The following FOXP1 variants were observed in gnomAD, a reference collection of about 807,000 sequenced individuals.
FOXP1 encodes forkhead box protein P1.
In FOXP1, 15 loss-of-function variants were observed where a neutral mutation model predicts 98.2. The observed-to-expected ratio is 0.15, with a 90% CI of 0.10 to 0.24. The LOEUF is 0.24. FOXP1 is among the 10% of genes least tolerant of loss of function. The pLI, the probability that FOXP1 is intolerant of heterozygous loss-of-function variation, is 1.00. For synonymous variants in FOXP1, 371 were observed against 314.5 expected (o/e 1.18, Z -1.90); for missense variants, 633 against 848.5 (o/e 0.75, Z 3.15).
At chr3:71,578,122 T>C (rs2047872090) in intron 2 of FOXP1, among the ~76,000 whole-genome samples, 1 of 152,014 alleles carries the variant, frequency 6.6e-6, no homozygotes, top group East Asian at 1.9e-4. Context: ...AATCTAGCCA[T>C]GCTCTGGAAA....
chr3:71,287,683 G>A (rs2072300628), intron 5 of FOXP1, among the ~76,000 whole-genome samples: 1 of 151,660 alleles, frequency 6.6e-6, no homozygotes, highest in South Asian at 2.1e-4. Flanking sequence ...AGGAGGTTGA[G>A]GCAGGAGAAT....
intron 5 of FOXP1, chr3:71,245,106 T>G (rs2067625363): frequency 6.6e-6 from 1 of 152,208 alleles, no homozygotes; most frequent in African/African-American, 2.4e-5. Flanking sequence ...GTAGGATTTA[T>G]TTGACACTTA....
At chr3:71,246,760 A>G (rs1028788294) in intron 5 of FOXP1, among the ~76,000 whole-genome samples, 3 of 152,226 alleles carry the variant, frequency 2.0e-5, no homozygotes, top group African/African-American at 4.8e-5. Flanking sequence ...TGGCCAGTTC[A>G]GCGCGTCTTA....
At chr3:71,522,527 G>A (rs193283851) in intron 2 of FOXP1, among the ~76,000 whole-genome samples, 2 of 152,228 alleles carry the variant, frequency 1.3e-5, no homozygotes, top group African/African-American at 2.4e-5. Flanking sequence ...GATTCTCAGC[G>A]TCTTCTTTCT....
chr3:71,028,642 T>C (rs775254992), intron 11 of FOXP1, among the ~76,000 whole-genome samples: 6 of 152,212 alleles, frequency 3.9e-5, no homozygotes, highest in Non-Finnish European at 7.3e-5. Context: ...TTCCAGGAAC[T>C]GGGGGGCAGG....
At chr3:71,315,387 C>T (rs1471568965) in intron 4 of FOXP1, among the ~76,000 whole-genome samples, 5 of 152,032 alleles carry the variant, frequency 3.3e-5, no homozygotes, top group Non-Finnish European at 1.5e-5. Context: ...AATTCCCTGA[C>T]CAAGTTTTGC....
At chr3:71,020,121 T>G (rs2045210843) in intron 11 of FOXP1, among the ~76,000 whole-genome samples, 1 of 152,174 alleles carries the variant, frequency 6.6e-6, no homozygotes, top group Non-Finnish European at 1.5e-5. Flanking sequence ...AAAAGCCAGT[T>G]AATTTAAATT....
At chr3:71,219,878 C>T (rs202105683) in intron 5 of FOXP1, among the ~76,000 whole-genome samples, 1 of 152,150 alleles carries the variant, frequency 6.6e-6, no homozygotes, top group Non-Finnish European at 1.5e-5. Flanking sequence ...CTCTCTCTCT[C>T]CTGTTTCCAC....
intron 6 of FOXP1, among the ~76,000 whole-genome samples, chr3:71,139,287 A>C (rs2059958870): frequency 6.6e-6 from 1 of 152,166 alleles, no homozygotes. Flanking sequence ...TCATAATGGC[A>C]CTGTAATACA....
chr3:71,539,082 T>C (rs1245735411), intron 2 of FOXP1, among the ~76,000 whole-genome samples: 1 of 150,950 alleles, frequency 6.6e-6, no homozygotes, highest in Non-Finnish European at 1.5e-5. Flanking sequence ...TAGCTTTGTT[T>C]TAGGTTTTTT....
At chr3:71,552,364 T>C (rs532508750) in intron 2 of FOXP1, among the ~76,000 whole-genome samples, 2 of 151,962 alleles carry the variant, frequency 1.3e-5, no homozygotes, top group African/African-American at 4.8e-5. Flanking sequence ...TAAGAAAATA[T>C]AAATATTTCT....
chr3:71,315,291 A>C (rs2107642856), intron 4 of FOXP1, among the ~76,000 whole-genome samples: 1 of 152,244 alleles, frequency 6.6e-6, no homozygotes, highest in South Asian at 2.1e-4. Flanking sequence ...GCGCTTTATC[A>C]GCAACAGAAA....
At chr3:71,173,362 T>C (rs2061744816) in intron 6 of FOXP1, among the ~76,000 whole-genome samples, 1 of 144,168 alleles carries the variant, frequency 6.9e-6, no homozygotes, top group Admixed American at 7.2e-5. Context: ...ACTGCCTCAA[T>C]TTAGAAAAAA....
intron 2 of FOXP1, among the ~76,000 whole-genome samples, chr3:71,494,339 TTAAAC>T (rs1236090736): frequency 6.6e-6 from 1 of 152,250 alleles, no homozygotes; most frequent in African/African-American, 2.4e-5. Flanking sequence ...TCTAAATACT[TTAAAC>T]TAATTAACTT....
At chr3:71,018,517 A>T (rs1401050884) in intron 11 of FOXP1, among the ~76,000 whole-genome samples, 4 of 152,168 alleles carry the variant, frequency 2.6e-5, no homozygotes, top group African/African-American at 9.7e-5. Flanking sequence ...ATCATTTACC[A>T]TTCGGGTTTA....
chr3:71,556,576 CAAAAAAAAA>C (rs757217111), intron 2 of FOXP1, among the ~76,000 whole-genome samples: 1 of 29,818 alleles, frequency 3.4e-5, no homozygotes, highest in Non-Finnish European at 6.2e-5. Context: ...GACTCCGTCT[CAAAAAAAAA>C]AAAAAAAAAA....
chr3:71,109,905 A>C (rs909931409), intron 7 of FOXP1, among the ~76,000 whole-genome samples: 7 of 152,156 alleles, frequency 4.6e-5, no homozygotes, highest in Non-Finnish European at 8.8e-5. Context: ...CCAAATCTTA[A>C]AGCTGGTCTA....
In FOXP1 at chr3:70,957,147, T is replaced by G. The variant is rs1383168325; in HGVS notation, c.*2100A>C. 9.0e-6 allele frequency: 2 copies of G among 222,690 alleles called. No individual in the cohort carries two copies. The highest frequency in any genetic ancestry group is 1.1e-4 in the Admixed American group (2 of 17,444). 13.8% of individuals were successfully genotyped at this position (222,690 alleles called of 1,614,324 possible). A position where few individuals can be genotyped will look rare whatever the true frequency, so the allele number is the denominator to read the frequency against. On this transcript the variant is annotated 3_prime_UTR_variant, in exon 21 of 21. Transcript: ENST00000649528. ...ATTGGATACTCTAATTGCAGTGGCA[T>G]ACATTCATTTTTTTTTTGAGATGGG...
At chr3:71,417,923 G>C (rs761109829) in intron 3 of FOXP1, among the ~76,000 whole-genome samples, 1 of 151,786 alleles carries the variant, frequency 6.6e-6, no homozygotes, top group African/African-American at 2.4e-5. Flanking sequence ...AAACACCCCC[G>C]AGAAGACAGA....
Sources: gnomAD v4.1 joint callset for allele counts (sites outside exome capture counted in the v4.1 genomes callset) on GRCh38, gnomAD v4.1.1 for gene constraint, MANE v1.5 for transcripts, NCBI Gene and HGNC (gene_info 2026-07-23, HGNC 2026-07-21) for gene names.